Variants in CTNNA3 observed in about 807,000 individuals in gnomAD.
CTNNA3 encodes the protein catenin alpha 3.
In CTNNA3, 76 loss-of-function variants were observed where a neutral mutation model predicts 95.7. The observed-to-expected ratio is 0.79, with a 90% CI of 0.66 to 0.96. The LOEUF (loss-of-function observed/expected upper bound fraction) is 0.96. CTNNA3 is among the 40% of genes least tolerant of loss of function. The pLI is 0.00. For missense variants in CTNNA3, 1,191 were observed against 1,089.8 expected, an observed-to-expected ratio of 1.09 and a Z score of -1.31; for synonymous variants, 431 against 374.4, an observed-to-expected ratio of 1.15 and a Z score of -1.74.
Position 66,399,719 on chromosome 10 carries a change from T to C in CTNNA3, c.1532-20367A>G, listed in dbSNP as rs555883221. ...CTAATATCATTATATTTTCAATGAATAGTTATATGTAGTGAATTTAATCAT... is the reference window on the plus strand; with the variant it reads ...CTAATATCATTATATTTTCAATGAACAGTTATATGTAGTGAATTTAATCAT... On this transcript the variant is annotated intron_variant, in intron 11 of 17. Coordinates refer to ENST00000433211, the MANE Select transcript of CTNNA3 (RefSeq NM_013266.4). Among the ~76,000 whole-genome samples the C allele has an allele frequency of 1.6e-4, 24 of 152,120 alleles. 1 individual carries two copies. Among genetic ancestry groups the C allele is most frequent in the African/African-American group, 5.5e-4 (23 of 41,576 alleles).
At chr10:66,356,250 A>T (rs2092609672) in intron 12 of CTNNA3, among the ~76,000 whole-genome samples, 1 of 150,254 alleles carries the variant, frequency 6.7e-6, no homozygotes, top group Non-Finnish European at 1.5e-5. Context: ...TTTGACTGGT[A>T]TTGTAACAAG....
chr10:66,975,755 T>G (rs937530940), intron 7 of CTNNA3, among the ~76,000 whole-genome samples: 1 of 152,192 alleles, frequency 6.6e-6, no homozygotes, highest in African/African-American at 2.4e-5. Context: ...TCTTTATTCT[T>G]GGCTGTTTCC....
intron 17 of CTNNA3, among the ~76,000 whole-genome samples, chr10:65,925,007 A>T (rs143673166): frequency 2.0e-5 from 3 of 152,304 alleles, no homozygotes; most frequent in Non-Finnish European, 4.4e-5. Context: ...GGTCCCTCCC[A>T]TGACACATGG....
intron 11 of CTNNA3, among the ~76,000 whole-genome samples, chr10:66,484,494 G>A (rs1180845454): frequency 6.6e-6 from 1 of 151,916 alleles, no homozygotes; most frequent in East Asian, 1.9e-4. Context: ...AACATGCATG[G>A]ACATAGTGTA....
In CTNNA3 at chr10:67,026,047, G is replaced by A. The variant is rs529002424; in HGVS notation, c.1047+154270C>T. On this transcript the variant is annotated intron_variant, in intron 7 of 17. Coordinates refer to ENST00000433211, the MANE Select transcript of CTNNA3 (RefSeq NM_013266.4). ...ACCGCATGTTCTCATTCATAGATGG[G>A]AATTGAACAATGAGAACACATGGAC... 2.3e-3 allele frequency among the ~76,000 whole-genome samples: 335 copies of A among 148,546 alleles called. 1 individual carries two copies. Among genetic ancestry groups the A allele is most frequent in the South Asian group, 3.5e-3 (16 of 4,588 alleles).
At chr10:67,660,695 G>A (rs970839771) in intron 1 of CTNNA3, among the ~76,000 whole-genome samples, 11 of 152,192 alleles carry the variant, frequency 7.2e-5, no homozygotes, top group African/African-American at 2.7e-4. Flanking sequence ...CACTTTGGGA[G>A]GCCGAGGCGG....
At chr10:67,635,138 G>A (rs1456126855) in intron 2 of CTNNA3, among the ~76,000 whole-genome samples, 9 of 152,028 alleles carry the variant, frequency 5.9e-5, no homozygotes, top group Admixed American at 5.9e-4. Flanking sequence ...CTGAATGCCT[G>A]AATAGACCAA....
At chr10:66,837,047 G>A (rs893478873) in intron 7 of CTNNA3, among the ~76,000 whole-genome samples, 16 of 151,926 alleles carry the variant, frequency 1.1e-4, no homozygotes, top group African/African-American at 3.9e-4. Context: ...GGTCTTACTT[G>A]CTTTGTGAAG....
chr10:66,321,698 C>A (rs1004586387), intron 12 of CTNNA3, among the ~76,000 whole-genome samples: 5 of 152,060 alleles, frequency 3.3e-5, no homozygotes, highest in African/African-American at 1.2e-4. Context: ...TATTTTTATA[C>A]TCTCCGAGTG....
At chr10:66,675,875 C>A (rs569631369) in intron 9 of CTNNA3, among the ~76,000 whole-genome samples, 1 of 152,164 alleles carries the variant, frequency 6.6e-6, no homozygotes, top group African/African-American at 2.4e-5. Context: ...GAGATACTAT[C>A]TGGAGAAAGC....
intron 16 of CTNNA3, among the ~76,000 whole-genome samples, chr10:65,968,298 C>G (rs1002152433): frequency 6.6e-6 from 1 of 152,034 alleles, no homozygotes; most frequent in Non-Finnish European, 1.5e-5. Context: ...ATTGCCTGAG[C>G]CCGAGAAGTT....
chr10:67,499,659 G>C (rs1303851664), intron 5 of CTNNA3, among the ~76,000 whole-genome samples: 2 of 152,108 alleles, frequency 1.3e-5, no homozygotes, highest in Non-Finnish European at 2.9e-5. Context: ...GTTTAGTCTT[G>C]GGAGGGCGTA....
intron 9 of CTNNA3, among the ~76,000 whole-genome samples, chr10:66,734,340 C>T (rs2132674863): frequency 6.6e-6 from 1 of 152,002 alleles, no homozygotes; most frequent in Admixed American, 6.6e-5. Flanking sequence ...ATCACAGAAG[C>T]CAAACTTCCA....
intron 7 of CTNNA3, among the ~76,000 whole-genome samples, chr10:67,139,999 C>A (rs1017353419): frequency 2.0e-5 from 3 of 152,098 alleles, no homozygotes; most frequent in African/African-American, 7.2e-5. Context: ...CTATAGAGTG[C>A]TTTAATTCTT....
At chr10:67,123,038 C>T (rs1359101128) in intron 7 of CTNNA3, among the ~76,000 whole-genome samples, 6 of 152,014 alleles carry the variant, frequency 3.9e-5, no homozygotes, top group African/African-American at 1.4e-4. Flanking sequence ...AATTTCAACC[C>T]CAAATCCATA....
intron 3 of CTNNA3, among the ~76,000 whole-genome samples, chr10:67,559,451 A>G (rs945275842): frequency 9.9e-5 from 15 of 152,210 alleles, no homozygotes; most frequent in Admixed American, 3.9e-4. Context: ...AAGGAAAAAT[A>G]ACAAACAGAA....
chr10:66,115,377 C>T (rs1235025538), intron 13 of CTNNA3, among the ~76,000 whole-genome samples: 1 of 152,026 alleles, frequency 6.6e-6, no homozygotes, highest in Non-Finnish European at 1.5e-5. Flanking sequence ...TCTGTGGATG[C>T]GTAAAAGCTG....
chr10:66,440,519 G>T (rs759037973), intron 11 of CTNNA3, among the ~76,000 whole-genome samples: 15 of 152,194 alleles, frequency 9.9e-5, no homozygotes, highest in South Asian at 2.1e-4. Context: ...AATAAAATCT[G>T]TCAAATTTTC....
chr10:66,912,311 G>T (rs1434991984), intron 7 of CTNNA3, among the ~76,000 whole-genome samples: 26 of 151,902 alleles, frequency 1.7e-4, no homozygotes, highest in Admixed American at 1.7e-3. Flanking sequence ...TTTGAAAATA[G>T]CAAAGTATTC....
Sources: gnomAD v4.1 joint callset for allele counts (sites outside exome capture counted in the v4.1 genomes callset) on GRCh38, gnomAD v4.1.1 for gene constraint, MANE v1.5 for transcripts, NCBI Gene and HGNC (gene_info 2026-07-23, HGNC 2026-07-21) for gene names.